Variants in R3HDM1 observed in about 807,000 individuals in gnomAD.
R3HDM1 encodes R3H domain containing 1, also known as R3H domain-containing protein 1.
Under a neutral mutation model 141.1 loss-of-function variants are expected in R3HDM1, and 46 were observed. The observed-to-expected ratio is 0.33, with a 90% CI of 0.26 to 0.42. The LOEUF (loss-of-function observed/expected upper bound fraction) is 0.42, where lower values mean the gene tolerates loss of function less well. R3HDM1 is among the 10% of genes least tolerant of loss of function. The probability of loss-of-function intolerance (pLI) is 1.00; values close to 1 mark genes in which losing one functional copy is unlikely to be tolerated. For missense variants in R3HDM1, 1,184 were observed against 1,368.3 expected (o/e 0.87, Z 2.12); for synonymous variants, 435 against 472.9 (o/e 0.92, Z 1.04).
chr2:135,602,652 ATTATT>A lies in R3HDM1; in HGVS notation c.-84_-80del. On this transcript the variant is annotated 5_prime_UTR_variant, in exon 2 of 27. The change abolishes the stop of an existing upstream ORF in the 5' untranslated region. Coordinates refer to ENST00000683871, the MANE Select transcript of R3HDM1 (RefSeq NM_001378107.1). ...TGACAACTGTGAAAAAGAACCTTGG[ATTATT>A]TTATTTTATTTTTGTGGGACACCAC... 1.9e-6 allele frequency: 3 copies of A among 1,547,448 alleles called. No individual in the cohort carries two copies. The highest frequency in any genetic ancestry group is 1.2e-5 in the South Asian group (1 of 83,290).
chr2:135,621,942 A>G (rs2061547735), intron 6 of R3HDM1: 3 of 982,572 alleles, frequency 3.1e-6, no homozygotes, highest in Non-Finnish European at 3.6e-6. Flanking sequence ...TTATGGTACA[A>G]AGAGCTGATG....
At chr2:135,625,391 G>A (rs949235406) in intron 7 of R3HDM1, among the ~76,000 whole-genome samples, 1 of 152,080 alleles carries the variant, frequency 6.6e-6, no homozygotes, top group Non-Finnish European at 1.5e-5. Context: ...GTTGCAGTGA[G>A]CCGAGATCAC....
chr2:135,623,167 GTTTA>G (rs911175033), intron 7 of R3HDM1: 36 of 412,324 alleles, frequency 8.7e-5, no homozygotes, highest in Non-Finnish European at 1.0e-4. Flanking sequence ...TTTTTGAGGT[GTTTA>G]TTTGAGTCAG....
Position 135,659,085 on chromosome 2 carries a change from G to GTGTGTGTGTA in R3HDM1, c.2029-2182_2029-2181insGTGTGTATGT, listed in dbSNP as rs1377794392. Among the ~76,000 whole-genome samples, 6 of 149,558 alleles carry GTGTGTGTGTA rather than the reference G, an allele frequency of 4.0e-5. No homozygotes were observed. The South Asian group carries it at 1.3e-3, about 31-fold the overall frequency. ...TGTGTGTGTGTGTGTGTGTGTGTGT[G>GTGTGTGTGTA]TGTTTGGTTTGGAGTTGTTCTTTGT... On this transcript the variant is annotated intron_variant, in intron 18 of 26. Transcript: ENST00000683871.
chr2:135,709,296 A>G, intron 21 of R3HDM1, 137 bp from the exon 22 acceptor site: 1 of 1,146,984 alleles, frequency 8.7e-7, no homozygotes, highest in Non-Finnish European at 1.2e-6. Context: ...GATGTTCTCG[A>G]TCTCCTGACC....
intron 7 of R3HDM1, among the ~76,000 whole-genome samples, chr2:135,627,387 A>T (rs941787944): frequency 2.0e-5 from 3 of 152,144 alleles, no homozygotes; most frequent in African/African-American, 7.2e-5. Flanking sequence ...ATCTTGTCAT[A>T]GCCCAATAAA....
At chr2:135,608,184 C>T (rs1023302465) in intron 3 of R3HDM1, among the ~76,000 whole-genome samples, 2 of 151,972 alleles carry the variant, frequency 1.3e-5, no homozygotes, top group South Asian at 2.1e-4. Context: ...GGCATGGTGG[C>T]GCACGCCTGT....
intron 23 of R3HDM1, among the ~76,000 whole-genome samples, chr2:135,715,125 G>A (rs1024586004): frequency 1.9e-4 from 29 of 152,272 alleles, no homozygotes; most frequent in Admixed American, 1.6e-3. Flanking sequence ...TGAGCCAGGC[G>A]GATCACAAGG....
At chr2:135,569,731 TGTTG>T (rs1703654157) in intron 1 of R3HDM1, among the ~76,000 whole-genome samples, 3 of 140,868 alleles carry the variant, frequency 2.1e-5, no homozygotes, top group African/African-American at 2.9e-5. Flanking sequence ...TTTTTTTTGT[TGTTG>T]TTTTTTTTGG....
chr2:135,583,558 T>A (rs1303361166), intron 1 of R3HDM1, among the ~76,000 whole-genome samples: 1 of 152,228 alleles, frequency 6.6e-6, no homozygotes, highest in African/African-American at 2.4e-5. Flanking sequence ...CATTTATTTA[T>A]GATCCTTGCC....
Position 135,602,585 on chromosome 2 carries a change from C to T in R3HDM1, c.-164C>T. The T allele has an allele frequency of 6.5e-7, 1 of 1,540,028 alleles. No individual in the cohort carries two copies. The highest frequency in any genetic ancestry group is 8.7e-7 in the Non-Finnish European group (1 of 1,143,566). ...GTGGTGACAAGGACATGGGACTCCT[C>T]CTGCCAGATTACAGATGGTTCACTA... On this transcript the variant is annotated 5_prime_UTR_variant, in exon 2 of 27. Coordinates refer to ENST00000683871, the MANE Select transcript of R3HDM1 (RefSeq NM_001378107.1).
intron 1 of R3HDM1, among the ~76,000 whole-genome samples, chr2:135,560,800 A>G (rs554709053): frequency 6.6e-6 from 1 of 152,296 alleles, no homozygotes; most frequent in Non-Finnish European, 1.5e-5. Flanking sequence ...CAGGTGACTC[A>G]TTCTGGAGTG....
At chr2:135,723,802 AAAAG>A in intron 26 of R3HDM1, 131 bp from the exon 27 acceptor site, 26 of 554,254 alleles carry the variant, frequency 4.7e-5, no homozygotes, top group Admixed American at 7.7e-5. Flanking sequence ...AAAAAAAAAA[AAAAG>A]ATGGCCCTAA....
At chr2:135,702,618 C>T (rs902689578) in intron 21 of R3HDM1, among the ~76,000 whole-genome samples, 4 of 150,402 alleles carry the variant, frequency 2.7e-5, no homozygotes, top group Non-Finnish European at 5.9e-5. Context: ...ACACTGCACT[C>T]CAGCCTGGGC....
rs114262998 is a variant in R3HDM1 at position 135,601,800 on chromosome 2, C to G, written c.-249-700C>G. On this transcript the variant is annotated intron_variant, in intron 1 of 26. Transcript: ENST00000683871. Reference sequence around the variant, plus strand: ...ACCTCAACCTCGCAAGTAACTAGGACTGCAGGTGCACACCCCTACACCCAG... The same window carrying G: ...ACCTCAACCTCGCAAGTAACTAGGAGTGCAGGTGCACACCCCTACACCCAG... 3.0e-3 allele frequency among the ~76,000 whole-genome samples: 449 copies of G among 152,152 alleles called. 3 individuals are homozygous for G. The highest frequency in any genetic ancestry group is 0.01 in the African/African-American group (418 of 41,540).
chr2:135,534,349 C>G (rs1695574614), intron 1 of R3HDM1, among the ~76,000 whole-genome samples: 1 of 152,176 alleles, frequency 6.6e-6, no homozygotes, highest in Non-Finnish European at 1.5e-5. Flanking sequence ...TAAGATTAAG[C>G]AAATCATTTG....
At chr2:135,659,629 G>C (rs2066429704) in intron 18 of R3HDM1, among the ~76,000 whole-genome samples, 1 of 151,878 alleles carries the variant, frequency 6.6e-6, no homozygotes, top group African/African-American at 2.4e-5. Context: ...GTAGTGATAG[G>C]GTCTCACTAT....
At chr2:135,652,272 G>C (rs1027848992) in intron 18 of R3HDM1, among the ~76,000 whole-genome samples, 1 of 152,044 alleles carries the variant, frequency 6.6e-6, no homozygotes, top group Non-Finnish European at 1.5e-5. Context: ...TTTTCTGAGA[G>C]GTATGGGTTT....
chr2:135,608,780 T>G (rs2060285598), intron 3 of R3HDM1, among the ~76,000 whole-genome samples: 2 of 152,204 alleles, frequency 1.3e-5, no homozygotes, highest in African/African-American at 2.4e-5. Context: ...TATTGAGATT[T>G]TTGGATAAAC....
Sources: allele counts gnomAD v4.1 joint callset (sites outside exome capture counted in the v4.1 genomes callset), GRCh38; gene constraint gnomAD v4.1.1; transcripts MANE v1.5; gene names NCBI Gene and HGNC (gene_info 2026-07-23, HGNC 2026-07-21).